MMS22L: variants seen among roughly 807,000 people sequenced by gnomAD.
MMS22L encodes the protein protein MMS22-like.
MMS22L carries 74 observed loss-of-function variants against 159.1 expected under a neutral mutation model. That is an observed-to-expected ratio of 0.47 (90% confidence interval 0.39 to 0.56). The LOEUF (loss-of-function observed/expected upper bound fraction) is 0.56. Ranked by LOEUF, MMS22L falls within the 20% of genes least tolerant of loss-of-function variation. The pLI is 0.00. For synonymous variants in MMS22L, 517 were observed against 506.9 expected, an observed-to-expected ratio of 1.02 and a Z score of -0.27; for missense variants, 1,351 against 1,422.1, an observed-to-expected ratio of 0.95 and a Z score of 0.80.
chr6:97,238,266 T>C (rs1265995237), intron 11 of MMS22L, among the ~76,000 whole-genome samples: 1 of 152,240 alleles, frequency 6.6e-6, no homozygotes, highest in African/African-American at 2.4e-5. Context: ...ATCGTTTTGT[T>C]ATCTGCAGGA....
In MMS22L at chr6:97,231,538, C is replaced by G. The variant is rs373201587; in HGVS notation, c.1417G>C (p.Glu473Gln). ...TAACTACTGCTGGATTTATATAGTT[C>G]CTGATCTTGTTTATCGCAACAGCAA... ...KTCCCDKQDQ[E>Q]LYKSSSSYTI... Residue 473 changes from glutamate to glutamine, a missense_variant, in exon 13 of 25, where the codon GAA becomes CAA. Physicochemically the swap from Glu to Gln is conservative, Grantham distance 29. Coordinates refer to ENST00000683635, the MANE Select transcript of MMS22L (RefSeq NM_001350599.2). 24 of 1,613,566 alleles carry G rather than the reference C, an allele frequency of 1.5e-5. No individual in the cohort carries two copies. Among genetic ancestry groups the G allele is most frequent in the Non-Finnish European group, 6.8e-6 (8 of 1,179,768 alleles).
chr6:97,244,873 G>A (rs1266813587), intron 11 of MMS22L, among the ~76,000 whole-genome samples: 2 of 152,098 alleles, frequency 1.3e-5, no homozygotes, highest in African/African-American at 4.8e-5. Context: ...TGCGACCACT[G>A]TGGAGTGGGT....
intron 6 of MMS22L, chr6:97,270,692 TA>T: frequency 1.3e-5 from 2 of 153,770 alleles, no homozygotes; most frequent in Middle Eastern, 6.7e-3. Context: ...ACAAACAAAA[TA>T]AAATGCTACA....
Position 97,179,471 on chromosome 6 carries a change from A to G in MMS22L, c.2473T>C (p.Tyr825His), listed in dbSNP as rs140728126. Residue 825 changes from tyrosine (Y) to histidine (H), a missense_variant, in exon 17 of 25, where the codon TAT becomes CAT. Transcript: ENST00000683635. The stretch of plus-strand genomic sequence containing the variant: ...TCAGGCCCAGAGAGGTTTTTAATAT[A>G]CATTTGCAAAACACAACGAATCCAT... ...RSWIRCVLQM[Y>H]IKNLSGPDDL... 1.9e-6 allele frequency: 3 copies of G among 1,613,694 alleles called. No homozygotes were observed. Among genetic ancestry groups the G allele is most frequent in the Non-Finnish European group, 2.5e-6 (3 of 1,179,758 alleles).
chr6:97,181,864 G>C (rs1804746543), intron 16 of MMS22L, 40 bp downstream of exon 16: 1 of 1,586,276 alleles, frequency 6.3e-7, no homozygotes, highest in African/African-American at 1.3e-5. Context: ...ATCTGTCACA[G>C]GTTTGCATTA....
chr6:97,279,917 G>A (rs1816608529), intron 3 of MMS22L, among the ~76,000 whole-genome samples: 1 of 152,140 alleles, frequency 6.6e-6, no homozygotes, highest in Non-Finnish European at 1.5e-5. Context: ...TAAAGTATCA[G>A]GGAAAGCTGT....
chr6:97,208,180 T>A (rs181801902), intron 14 of MMS22L, among the ~76,000 whole-genome samples: 8 of 152,244 alleles, frequency 5.3e-5, no homozygotes, highest in African/African-American at 1.9e-4. Context: ...AGTCATGACT[T>A]CAAAACTAAT....
intron 5 of MMS22L, 40 bp downstream of exon 5, chr6:97,272,934 GA>G (rs1161256868): frequency 7.5e-6 from 12 of 1,605,886 alleles, no homozygotes; most frequent in Admixed American, 1.7e-5. Flanking sequence ...AATACACACA[GA>G]AATTCATGCA....
At chr6:97,196,421 A>T (rs1806514635) in intron 14 of MMS22L, among the ~76,000 whole-genome samples, 1 of 152,236 alleles carries the variant, frequency 6.6e-6, no homozygotes, top group Admixed American at 6.5e-5. Context: ...TATTACTAGT[A>T]GACGGTATTA....
In MMS22L at chr6:97,145,639, C is replaced by G. The variant is rs1000482603; in HGVS notation, c.*1167G>C. ...CATTTCCCAACAGAATTTGGGCCACCAAATATTTTCACGTACATTATCCCA... is the reference window on the plus strand; with the variant it reads ...CATTTCCCAACAGAATTTGGGCCACGAAATATTTTCACGTACATTATCCCA... On this transcript the variant is annotated 3_prime_UTR_variant, in exon 25 of 25. Coordinates refer to ENST00000683635, the MANE Select transcript of MMS22L (RefSeq NM_001350599.2). 1 of 152,078 alleles carries G rather than the reference C, an allele frequency of 6.6e-6. No homozygotes were observed. The highest frequency in any genetic ancestry group is 1.5e-5 in the Non-Finnish European group (1 of 67,982). The allele number at this position is 152,078 out of a possible 1,614,324, so 9.4% of individuals were successfully genotyped here.
At chr6:97,243,593 T>C (rs1261304425) in intron 11 of MMS22L, among the ~76,000 whole-genome samples, 2 of 152,158 alleles carry the variant, frequency 1.3e-5, no homozygotes, top group Non-Finnish European at 2.9e-5. Context: ...AATTCAGAGA[T>C]TTCTTCTTGG....
intron 14 of MMS22L, among the ~76,000 whole-genome samples, chr6:97,219,579 ATC>A (rs1809402805): frequency 6.6e-6 from 1 of 152,216 alleles, no homozygotes; most frequent in Non-Finnish European, 1.5e-5. Flanking sequence ...GTTCATGGAA[ATC>A]CTATGAGGTG....
At chr6:97,222,797 A>C (rs879477133) in intron 14 of MMS22L, among the ~76,000 whole-genome samples, 1 of 152,066 alleles carries the variant, frequency 6.6e-6, no homozygotes, top group Non-Finnish European at 1.5e-5. Context: ...AACCCCGAAA[A>C]TGGAGGTTTA....
chr6:97,174,256 A>T (rs13214371), intron 18 of MMS22L, among the ~76,000 whole-genome samples: 1 of 150,300 alleles, frequency 6.7e-6, no homozygotes, highest in South Asian at 2.1e-4. Flanking sequence ...TCTCAAAAAA[A>T]AAATAAAAAA....
At chr6:97,188,127 C>A (rs1423011596) in intron 14 of MMS22L, among the ~76,000 whole-genome samples, 1 of 152,118 alleles carries the variant, frequency 6.6e-6, no homozygotes, top group Non-Finnish European at 1.5e-5. Flanking sequence ...AGATAAATAA[C>A]AAACCACTAA....
At chr6:97,204,422 T>C (rs1807529065) in intron 14 of MMS22L, among the ~76,000 whole-genome samples, 1 of 152,168 alleles carries the variant, frequency 6.6e-6, no homozygotes. Context: ...ACATCACAGA[T>C]CACTCTAAAC....
At chr6:97,283,380 G>A, upstream of MMS22L, 1 of 126,842 alleles carries the variant, frequency 7.9e-6, no homozygotes. Flanking sequence ...GCTGAAAGGC[G>A]GGGCCTGGTA....
Position 97,199,503 on chromosome 6 carries a change from T to A in MMS22L, c.2040-12813A>T, listed in dbSNP as rs886992236. On this transcript the variant is annotated intron_variant, in intron 14 of 24. Coordinates refer to ENST00000683635, the MANE Select transcript of MMS22L (RefSeq NM_001350599.2). ...TATGTGAACAGATTGTACCAATGTA[T>A]AATTACAATAGCTAATGCACTGGAA... Among the ~76,000 whole-genome samples the A allele has an allele frequency of 6.6e-5, 10 of 152,150 alleles. 1 individual carries two copies. Among genetic ancestry groups the A allele is most frequent in the Admixed American group, 2.0e-4 (3 of 15,250 alleles).
intron 3 of MMS22L, among the ~76,000 whole-genome samples, chr6:97,279,801 G>T (rs1415916904): frequency 6.8e-6 from 1 of 146,764 alleles, no homozygotes; most frequent in Non-Finnish European, 1.5e-5. Flanking sequence ...AAAAAAAAAA[G>T]AAGTTTAAGA....
Sources: allele counts gnomAD v4.1 joint callset (sites outside exome capture counted in the v4.1 genomes callset), GRCh38; gene constraint gnomAD v4.1.1; transcripts MANE v1.5; gene names NCBI Gene and HGNC (gene_info 2026-07-23, HGNC 2026-07-21).